The following CD2AP variants were observed in gnomAD, a reference collection of about 807,000 sequenced individuals.
CD2AP encodes the protein CD2 associated protein.
CD2AP carries 46 observed loss-of-function variants against 85.1 expected under a neutral mutation model. That is an observed-to-expected ratio of 0.54 (90% CI 0.43 to 0.69). CD2AP has a LOEUF of 0.69. Ranked by LOEUF, CD2AP falls within the 30% of genes least tolerant of loss-of-function variation. The pLI, the probability that CD2AP is intolerant of heterozygous loss-of-function variation, is 0.00. For synonymous variants in CD2AP, 255 were observed against 252.9 expected, an observed-to-expected ratio of 1.01 and a Z score of -0.08; for missense variants, 769 against 729.5, an observed-to-expected ratio of 1.05 and a Z score of -0.62.
chr6:47,509,655 A>G (rs1276648985), intron 2 of CD2AP, among the ~76,000 whole-genome samples: 1 of 152,172 alleles, frequency 6.6e-6, no homozygotes, highest in Non-Finnish European at 1.5e-5. Flanking sequence ...TCTATAATAG[A>G]TTGTCATGCA....
intron 1 of CD2AP, among the ~76,000 whole-genome samples, chr6:47,495,390 G>T (rs9349409): frequency 0.27 from 40,826 of 151,914 alleles, 5,665 homozygotes; most frequent in African/African-American, 0.33. Flanking sequence ...CCAGATAGGG[G>T]CATGGAGTGA....
intron 2 of CD2AP, among the ~76,000 whole-genome samples, chr6:47,526,796 G>C (rs1013794594): frequency 6.6e-5 from 10 of 152,094 alleles, no homozygotes; most frequent in Admixed American, 1.3e-4. Flanking sequence ...TCAGAAGTGT[G>C]AATTTTATTT....
At chr6:47,610,971 A>ATAT in intron 16 of CD2AP, among the ~76,000 whole-genome samples, 9 of 112,858 alleles carry the variant, frequency 8.0e-5, no homozygotes, top group East Asian at 2.4e-4. Context: ...ATATATATGT[A>ATAT]TTTTTTTTTT....
chr6:47,585,218 G>A (rs1310474657), intron 11 of CD2AP, among the ~76,000 whole-genome samples: 4 of 151,876 alleles, frequency 2.6e-5, no homozygotes, highest in Admixed American at 6.5e-5. Context: ...CAGGAGAATG[G>A]CGTGAACTCG....
intron 1 of CD2AP, among the ~76,000 whole-genome samples, chr6:47,486,778 T>C (rs932726700): frequency 3.9e-5 from 6 of 152,202 alleles, no homozygotes; most frequent in African/African-American, 1.2e-4. Flanking sequence ...AAAATGTCAT[T>C]CCTGGAGCAT....
intron 1 of CD2AP, among the ~76,000 whole-genome samples, chr6:47,493,243 G>C (rs1173838725): frequency 6.6e-6 from 1 of 151,386 alleles, no homozygotes; most frequent in Non-Finnish European, 1.5e-5. Context: ...CCTTTAACAT[G>C]TCTTTTGTGT....
chr6:47,552,307 TCCC>T (rs1471668224), intron 4 of CD2AP, among the ~76,000 whole-genome samples: 1 of 151,694 alleles, frequency 6.6e-6, no homozygotes, highest in African/African-American at 2.4e-5. Context: ...CCCCATTCTT[TCCC>T]CCCAAGTCCC....
intron 5 of CD2AP, among the ~76,000 whole-genome samples, chr6:47,567,826 G>A (rs10948364): frequency 0.87 from 133,133 of 152,216 alleles, 58,532 homozygotes; most frequent in Non-Finnish European, 0.92. Context: ...CATTACAAAA[G>A]TGTTAATCAA....
chr6:47,599,107 TAACTA>T (rs1184207337), intron 12 of CD2AP, among the ~76,000 whole-genome samples, 189 bp from the exon 13 acceptor site: 3 of 151,794 alleles, frequency 2.0e-5, no homozygotes, highest in East Asian at 1.9e-4. Flanking sequence ...TTTCTACACT[TAACTA>T]AACTGTTCTC....
chr6:47,613,943 TC>T (rs2114155907), intron 17 of CD2AP, among the ~76,000 whole-genome samples: 1 of 152,326 alleles, frequency 6.6e-6, no homozygotes, highest in East Asian at 1.9e-4. Flanking sequence ...GGAGATGGCT[TC>T]TTAAACCACA....
chr6:47,616,231 G>A (rs1360360627), intron 17 of CD2AP, among the ~76,000 whole-genome samples: 1 of 151,546 alleles, frequency 6.6e-6, no homozygotes, highest in African/African-American at 2.4e-5. Context: ...AGCTAGGACT[G>A]TAGGCACGTG....
At chr6:47,530,305 C>A (rs1474403166) in intron 2 of CD2AP, among the ~76,000 whole-genome samples, 1 of 152,172 alleles carries the variant, frequency 6.6e-6, no homozygotes, top group Admixed American at 6.5e-5. Flanking sequence ...ACCTCTGGCA[C>A]AATAAAGATG....
rs75506437 is a variant in CD2AP at position 47,578,195 on chromosome 6, A to G, written c.903+1092A>G. 8.6e-3 allele frequency among the ~76,000 whole-genome samples: 1,297 copies of G among 151,036 alleles called. 17 individuals are homozygous for G. The highest frequency in any genetic ancestry group is 0.03 in the African/African-American group (1,222 of 41,208). On this transcript the variant is annotated intron_variant, in intron 8 of 17. Transcript: ENST00000359314. ...AGAAACTTAGAAGGTCTTGTTAATT[A>G]AAAAAAAAGAAAAAGAAAAATTAAA...
At chr6:47,606,919 T>C (rs1031600861) in intron 14 of CD2AP, among the ~76,000 whole-genome samples, 1 of 152,050 alleles carries the variant, frequency 6.6e-6, no homozygotes, top group Non-Finnish European at 1.5e-5. Context: ...ACTCATTCTT[T>C]CTACTTTTTG....
intron 3 of CD2AP, among the ~76,000 whole-genome samples, chr6:47,538,289 C>T (rs752270166): frequency 3.3e-5 from 5 of 152,084 alleles, no homozygotes; most frequent in Middle Eastern, 3.4e-3. Flanking sequence ...TTACCCAGGA[C>T]GGAGTACAGT....
intron 16 of CD2AP, 112 bp downstream of exon 16, chr6:47,609,416 C>A (rs1296531126): frequency 1.2e-6 from 1 of 856,834 alleles, no homozygotes; most frequent in Non-Finnish European, 1.9e-6. Flanking sequence ...GTAGTTCGCG[C>A]CTGTAATCCC....
At chr6:47,593,705 G>T (rs1428372113) in intron 11 of CD2AP, among the ~76,000 whole-genome samples, 1 of 152,050 alleles carries the variant, frequency 6.6e-6, no homozygotes, top group East Asian at 1.9e-4. Context: ...ATACATTACT[G>T]GTGCAAATAG....
intron 17 of CD2AP, among the ~76,000 whole-genome samples, chr6:47,618,676 A>G (rs1369324849): frequency 6.6e-6 from 1 of 152,242 alleles, no homozygotes; most frequent in Non-Finnish European, 1.5e-5. Flanking sequence ...TGAAAATAAG[A>G]TAATGAGACA....
At chr6:47,622,192 G>A (rs1340127412) in intron 17 of CD2AP, among the ~76,000 whole-genome samples, 2 of 152,078 alleles carry the variant, frequency 1.3e-5, no homozygotes, top group Non-Finnish European at 2.9e-5. Context: ...TAATCCCACC[G>A]TGCCTCCCCC....
Sources: allele counts gnomAD v4.1 joint callset (sites outside exome capture counted in the v4.1 genomes callset), GRCh38; gene constraint gnomAD v4.1.1; transcripts MANE v1.5; gene names NCBI Gene and HGNC (gene_info 2026-07-23, HGNC 2026-07-21).